ARID4A: variants seen among roughly 807,000 people sequenced by gnomAD.
ARID4A encodes the protein AT-rich interactive domain-containing protein 4A.
In ARID4A, 39 loss-of-function variants were observed where a neutral mutation model predicts 148.6. The observed-to-expected ratio is 0.26, with a 90% CI of 0.20 to 0.34. ARID4A has a LOEUF of 0.34. Ranked by LOEUF, ARID4A falls within the 10% of genes least tolerant of loss-of-function variation. The pLI is 1.00. For missense variants in ARID4A, 1,265 were observed against 1,449.1 expected, an observed-to-expected ratio of 0.87 and a Z score of 2.06; for synonymous variants, 475 against 481.2, an observed-to-expected ratio of 0.99 and a Z score of 0.17.
rs773757792 is a variant in ARID4A, at chr14:58,328,327, A to T, written c.662+11A>T. On this transcript the variant is annotated intron_variant, in intron 9 of 23. Transcript: ENST00000355431. Reference sequence around the variant, plus strand: ...TATTGATTCTAAATTGTGAGTAATGAATCCTTTAATGATGTTACGTGGGAG... The same window carrying T: ...TATTGATTCTAAATTGTGAGTAATGTATCCTTTAATGATGTTACGTGGGAG... 1.3e-6 allele frequency: 2 copies of T among 1,546,944 alleles called. No individual in the cohort carries two copies. Among genetic ancestry groups the T allele is most frequent in the Non-Finnish European group, 1.8e-6 (2 of 1,120,438 alleles).
At chr14:58,324,005 C>T (rs550505566) in intron 8 of ARID4A, among the ~76,000 whole-genome samples, 72 of 148,640 alleles carry the variant, frequency 4.8e-4, no homozygotes, top group African/African-American at 1.7e-3. Flanking sequence ...TCCGGGTTCA[C>T]GCCATTCTCC....
chr14:58,299,076 T>C (rs2140121386), intron 1 of ARID4A, among the ~76,000 whole-genome samples: 1 of 152,282 alleles, frequency 6.6e-6, no homozygotes, highest in Admixed American at 6.5e-5. Flanking sequence ...TACGAGCTGA[T>C]ACCTCTCTGG....
chr14:58,302,426 G>A (rs933468086), intron 3 of ARID4A, among the ~76,000 whole-genome samples: 26 of 152,132 alleles, frequency 1.7e-4, no homozygotes, highest in Non-Finnish European at 2.9e-4. Context: ...CCCGGGAGGC[G>A]GAGGTTGCAG....
Position 58,372,599 on chromosome 14 carries a change from T to C in ARID4A, c.*610T>C, listed in dbSNP as rs1204348462. 4.9e-6 allele frequency: 1 copy of C among 203,036 alleles called. No homozygotes were observed. The highest frequency in any genetic ancestry group is 1.0e-5 in the Non-Finnish European group (1 of 98,720). 12.6% of individuals were successfully genotyped at this position (203,036 alleles called of 1,614,324 possible). On this transcript the variant is annotated 3_prime_UTR_variant, in exon 24 of 24. Transcript: ENST00000355431. Reference sequence around the variant, plus strand: ...CTACAGTTGTAATAAGTCTTCCACTTTTTATAGGATTTTTGAGCACAAAAT... The same window carrying C: ...CTACAGTTGTAATAAGTCTTCCACTCTTTATAGGATTTTTGAGCACAAAAT...
At chr14:58,351,369 C>T (rs1357783860) in intron 16 of ARID4A, 46 bp downstream of exon 16, 1 of 1,556,788 alleles carries the variant, frequency 6.4e-7, no homozygotes, top group African/African-American at 1.4e-5. Context: ...GTCTGGGGTA[C>T]AACAGCGCTT....
chr14:58,308,819 G>A lies in ARID4A; in HGVS notation c.274+2707G>A, dbSNP rs539457591. The stretch of plus-strand genomic sequence containing the variant: ...GGGTATAGTCAGAAAATTATTCAGA[G>A]TGTTTATGACGTGTGTTACCTTTTT... On this transcript the variant is annotated intron_variant, in intron 5 of 23. Coordinates refer to ENST00000355431, the MANE Select transcript of ARID4A (RefSeq NM_002892.4). 3.3e-5 allele frequency among the ~76,000 whole-genome samples: 5 copies of A among 152,268 alleles called. No homozygotes were observed. The South Asian group carries it at 1.0e-3, about 32-fold the overall frequency.
intron 5 of ARID4A, among the ~76,000 whole-genome samples, chr14:58,306,936 C>T (rs1432807348): frequency 1.3e-5 from 2 of 152,178 alleles, no homozygotes; most frequent in Non-Finnish European, 2.9e-5. Context: ...TGCATGAATG[C>T]ATTCTTAACA....
chr14:58,337,416 G>A (rs2033889614), intron 11 of ARID4A, among the ~76,000 whole-genome samples: 1 of 151,456 alleles, frequency 6.6e-6, no homozygotes, highest in African/African-American at 2.4e-5. Context: ...ATACCTAACA[G>A]CTATCAACAC....
intron 23 of ARID4A, chr14:58,370,179 A>G (rs1242107396): frequency 6.6e-6 from 1 of 152,246 alleles, no homozygotes; most frequent in Non-Finnish European, 1.5e-5. Flanking sequence ...GTCTTTACAG[A>G]ACTTTTGAAT....
At chr14:58,320,746 T>C (rs961471081) in intron 7 of ARID4A, among the ~76,000 whole-genome samples, 26 of 152,086 alleles carry the variant, frequency 1.7e-4, no homozygotes, top group Admixed American at 2.6e-4. Flanking sequence ...TAGCTGGGAC[T>C]ACAGTCGTCC....
rs2030778473 is a variant in ARID4A, at chr14:58,298,693, C to T, written c.-65C>T. On this transcript the variant is annotated 5_prime_UTR_variant, in exon 1 of 24. Transcript: ENST00000355431. ...TGGAGCTGACAGCGCGCACTTCACC[C>T]GCAGTTGGTAGGTGGGGAGAGGGGA... 1 of 152,708 alleles carries T rather than the reference C, an allele frequency of 6.5e-6. No homozygotes were observed. Among genetic ancestry groups the T allele is most frequent in the Non-Finnish European group, 1.5e-5 (1 of 68,244 alleles). The allele number at this position is 152,708 out of a possible 1,614,324, so 9.5% of individuals were successfully genotyped here.
At chr14:58,334,946 T>A (rs2033731811) in intron 11 of ARID4A, among the ~76,000 whole-genome samples, 1 of 152,198 alleles carries the variant, frequency 6.6e-6, no homozygotes, top group African/African-American at 2.4e-5. Context: ...ACTACATTCC[T>A]TCTTCATCGT....
intron 11 of ARID4A, among the ~76,000 whole-genome samples, chr14:58,342,308 C>T (rs75525197): frequency 2.6e-5 from 4 of 152,090 alleles, no homozygotes; most frequent in African/African-American, 9.6e-5. Flanking sequence ...AAGTAGAATT[C>T]TTTATTCATT....
intron 18 of ARID4A, among the ~76,000 whole-genome samples, chr14:58,360,185 C>T (rs55649822): frequency 6.6e-6 from 1 of 152,178 alleles, no homozygotes; most frequent in African/African-American, 2.4e-5. Flanking sequence ...CCAGCAACCC[C>T]TAGGGCATGA....
At chr14:58,361,583 G>C (rs866539572) in intron 19 of ARID4A, among the ~76,000 whole-genome samples, 2 of 152,156 alleles carry the variant, frequency 1.3e-5, no homozygotes, top group South Asian at 4.1e-4. Flanking sequence ...TAATACAGTG[G>C]AAAAATTGTG....
chr14:58,319,300 C>T (rs1298771126), intron 7 of ARID4A, among the ~76,000 whole-genome samples: 3 of 151,798 alleles, frequency 2.0e-5, no homozygotes, highest in African/African-American at 7.2e-5. Flanking sequence ...AACTCCTGAC[C>T]TCGTGATCCA....
rs1196551998 is a variant in ARID4A at position 58,320,409 on chromosome 14, A to T, written c.449+1604A>T. Among the ~76,000 whole-genome samples, 4 of 152,102 alleles carry T rather than the reference A, an allele frequency of 2.6e-5. No individual in the cohort carries two copies. In the South Asian group the frequency reaches 6.2e-4, roughly 24 times the overall value. On this transcript the variant is annotated intron_variant, in intron 7 of 23. Coordinates refer to ENST00000355431, the MANE Select transcript of ARID4A (RefSeq NM_002892.4). Reference sequence around the variant, plus strand: ...AATTTAGAAAATTTAACGCTGATAGACTACTATCATAATATATGGTTAATA... The same window carrying T: ...AATTTAGAAAATTTAACGCTGATAGTCTACTATCATAATATATGGTTAATA...
At chr14:58,354,509 C>G (rs1024539929) in intron 17 of ARID4A, among the ~76,000 whole-genome samples, 1 of 151,556 alleles carries the variant, frequency 6.6e-6, no homozygotes, top group Non-Finnish European at 1.5e-5. Context: ...ATAGTTAGAC[C>G]CCCATCTCTA....
At chr14:58,323,375 A>G (rs1157625114) in intron 7 of ARID4A, 110 bp from the exon 8 acceptor site, 3 of 1,253,000 alleles carry the variant, frequency 2.4e-6, no homozygotes, top group East Asian at 2.5e-5. Flanking sequence ...AGAGGCTACT[A>G]CTTTAGGGTG....
Sources: allele counts gnomAD v4.1 joint callset (sites outside exome capture counted in the v4.1 genomes callset), GRCh38; gene constraint gnomAD v4.1.1; transcripts MANE v1.5; gene names NCBI Gene and HGNC (gene_info 2026-07-23, HGNC 2026-07-21).